Variants in CCR3 observed in about 807,000 individuals in gnomAD.
CCR3 encodes C-C motif chemokine receptor 3, also known as C-C chemokine receptor type 3.
For synonymous variants in CCR3, 203 were observed against 179.2 expected (o/e 1.13, Z -1.06); for missense variants, 419 against 437.5 (o/e 0.96, Z 0.38).
chr3:46,264,565 T>G, intron 1 of CCR3: 1 of 675,962 alleles, frequency 1.5e-6, no homozygotes, highest in South Asian at 1.7e-5. Context: ...AATTTTATAT[T>G]TACTTGTTAG....
chr3:46,254,668 C>A (rs1305217471), intron 1 of CCR3, among the ~76,000 whole-genome samples: 1 of 152,100 alleles, frequency 6.6e-6, no homozygotes, highest in African/African-American at 2.4e-5. Flanking sequence ...CCCCAAAGTC[C>A]ATTTTATCTT....
At chr3:46,246,597 G>A (rs747237922) in intron 1 of CCR3, among the ~76,000 whole-genome samples, 5 of 152,076 alleles carry the variant, frequency 3.3e-5, no homozygotes, top group Admixed American at 1.3e-4. Flanking sequence ...GTGGTGGAAT[G>A]TCATCAGTTA....
At chr3:46,239,818 A>G (rs751346402), upstream of CCR3, among the ~76,000 whole-genome samples, 3 of 152,222 alleles carry the variant, frequency 2.0e-5, no homozygotes, top group Non-Finnish European at 2.9e-5. Flanking sequence ...CTCCCTATTA[A>G]GTTAAAAGGT....
intron 2 of CCR3, among the ~76,000 whole-genome samples, chr3:46,234,958 C>T (rs1205624696): frequency 6.6e-6 from 1 of 152,232 alleles, no homozygotes; most frequent in African/African-American, 2.4e-5. Context: ...CCCCCATTCC[C>T]ACATCCCACT....
rs1700624940 is a variant in CCR3 at position 46,266,015 on chromosome 3, CAG to C, written c.860_861del (p.Glu287GlyfsTer46). 3.1e-6 allele frequency: 5 copies of C among 1,614,036 alleles called. No homozygotes were observed. Among genetic ancestry groups the C allele is most frequent in the Non-Finnish European group, 4.2e-6 (5 of 1,179,976 alleles). On this transcript the variant is annotated frameshift_variant, in exon 2 of 2. Transcript: ENST00000395940. LOFTEE classifies it low-confidence loss of function (END_TRUNC). ...CATCTGGACCTGGTCATGCTGGTGA[CAG>C]AGGTGATCGCCTACTCCCACTGCTG...
intron 2 of CCR3, among the ~76,000 whole-genome samples, chr3:46,227,128 C>T (rs902901950): frequency 6.6e-6 from 1 of 152,010 alleles, no homozygotes; most frequent in African/African-American, 2.4e-5. Context: ...AATCCCAGCC[C>T]CTGCCTCAGC....
At chr3:46,223,572 T>G (rs1699860803) in intron 2 of CCR3, among the ~76,000 whole-genome samples, 1 of 152,140 alleles carries the variant, frequency 6.6e-6, no homozygotes, top group Non-Finnish European at 1.5e-5. Context: ...CTGATTAAAG[T>G]TGATGCTTGT....
chr3:46,214,880 C>T (rs954423417), intron 2 of CCR3, among the ~76,000 whole-genome samples: 2 of 152,130 alleles, frequency 1.3e-5, no homozygotes, highest in South Asian at 2.1e-4. Flanking sequence ...ACCAAGAGCA[C>T]ATTATCCCCT....
At chr3:46,258,310 C>T (rs973791945) in intron 1 of CCR3, among the ~76,000 whole-genome samples, 1 of 152,148 alleles carries the variant, frequency 6.6e-6, no homozygotes, top group Non-Finnish European at 1.5e-5. Context: ...CTTCTTAACA[C>T]GATGCAACTA....
rs200830824 is a variant in CCR3 at position 46,265,275 on chromosome 3, G to A, written c.117G>A (p.Pro39=). 2.1e-5 allele frequency: 34 copies of A among 1,613,920 alleles called. No individual in the cohort carries two copies. The highest frequency in any genetic ancestry group is 1.1e-5 in the South Asian group (1 of 91,084). The change falls in exon 2 of 2, where the codon CCG becomes CCA. Residue 39 remains proline, a synonymous_variant. Transcript: ENST00000395940. The part of the protein sequence containing the change: ...TRALMAQFVP[P]LYSLVFTVGL... ...CACTGATGGCCCAGTTTGTGCCCCCGCTGTACTCCCTGGTGTTCACTGTGG... is the reference window on the plus strand; with the variant it reads ...CACTGATGGCCCAGTTTGTGCCCCCACTGTACTCCCTGGTGTTCACTGTGG...
intron 1 of CCR3, among the ~76,000 whole-genome samples, chr3:46,254,348 TA>T (rs1459895735): frequency 1.3e-5 from 2 of 152,198 alleles, no homozygotes; most frequent in Non-Finnish European, 2.9e-5. Context: ...TGCAGAAGTT[TA>T]TTGTGCACAC....
intron 1 of CCR3, among the ~76,000 whole-genome samples, chr3:46,248,453 T>C (rs1242475400): frequency 2.6e-5 from 4 of 152,140 alleles, no homozygotes; most frequent in Admixed American, 6.5e-5. Flanking sequence ...ACAGAAAGGC[T>C]ACAGGGTGCA....
At chr3:46,264,695 G>C (rs2125936487) in intron 1 of CCR3, 1 of 461,280 alleles carries the variant, frequency 2.2e-6, no homozygotes, top group East Asian at 4.3e-5. Flanking sequence ...AATAATCATT[G>C]TTATTATTAT....
At position 46,265,891 on chromosome 3, in the gene CCR3, A is replaced by G. The variant is rs1159563667; in HGVS notation, c.733A>G (p.Met245Val). Residue 245 changes from methionine (M) to valine (V), a missense_variant, in exon 2 of 2, where the codon ATG becomes GTG. Transcript: ENST00000395940. ...GGCCATCCGGCTCATTTTTGTCATC[A>G]TGGCGGTGTTTTTCATTTTCTGGAC... ...YKAIRLIFVI[M>V]AVFFIFWTPY... The G allele has an allele frequency of 1.9e-6, 3 of 1,614,098 alleles. No individual in the cohort carries two copies. Among genetic ancestry groups the G allele is most frequent in the South Asian group, 2.2e-5 (2 of 91,076 alleles).
intron 1 of CCR3, among the ~76,000 whole-genome samples, chr3:46,262,730 C>T (rs919198414): frequency 6.6e-6 from 1 of 152,180 alleles, no homozygotes; most frequent in Non-Finnish European, 1.5e-5. Context: ...TCACAGTTCA[C>T]TGCAGCCTCA....
intron 1 of CCR3, among the ~76,000 whole-genome samples, chr3:46,245,343 C>A (rs950284222): frequency 8.1e-5 from 12 of 148,746 alleles, no homozygotes; most frequent in African/African-American, 3.0e-4. Context: ...ATCTAGTATC[C>A]TCCAAGGTCA....
chr3:46,221,494 C>T (rs1021199096), intron 2 of CCR3, among the ~76,000 whole-genome samples: 11 of 152,194 alleles, frequency 7.2e-5, no homozygotes, highest in Admixed American at 1.3e-4. Flanking sequence ...TCACATGCCC[C>T]CCGCAGCCCA....
At chr3:46,253,836 C>T (rs554219579) in intron 1 of CCR3, among the ~76,000 whole-genome samples, 1 of 152,060 alleles carries the variant, frequency 6.6e-6, no homozygotes, top group African/African-American at 2.4e-5. Context: ...GTTTAAATTC[C>T]ACACAGTGGA....
Position 46,227,006 on chromosome 3 carries a change from G to A in CCR3, c.-67-15396G>A, listed in dbSNP as rs557863444. Reference sequence around the variant, plus strand: ...CATGCCTCAGCCTCCTGAGTAGCTGGGACTATGGGTGCATGCCACCATGCC... The same window carrying A: ...CATGCCTCAGCCTCCTGAGTAGCTGAGACTATGGGTGCATGCCACCATGCC... On this transcript the variant is annotated intron_variant, in intron 2 of 3. Transcript: ENST00000357422. 2.6e-5 allele frequency among the ~76,000 whole-genome samples: 4 copies of A among 151,916 alleles called. No individual in the cohort carries two copies. The East Asian group carries it at 5.8e-4, about 22-fold the overall frequency.
Sources: allele counts gnomAD v4.1 joint callset (sites outside exome capture counted in the v4.1 genomes callset), GRCh38; gene constraint gnomAD v4.1.1; transcripts MANE v1.5; gene names NCBI Gene and HGNC (gene_info 2026-07-23, HGNC 2026-07-21).